Variants in PARD3B observed in about 807,000 individuals in gnomAD.
PARD3B encodes the protein partitioning defective 3 homolog B.
Under a neutral mutation model 130.2 loss-of-function variants are expected in PARD3B, and 103 were observed. The observed-to-expected ratio is 0.79, with a 90% CI of 0.67 to 0.93. The LOEUF (loss-of-function observed/expected upper bound fraction) is 0.93, where lower values mean the gene tolerates loss of function less well. Ranked by LOEUF, PARD3B falls within the 40% of genes least tolerant of loss-of-function variation. PARD3B has a pLI of 0.00. For synonymous variants in PARD3B, 583 were observed against 553.2 expected, an observed-to-expected ratio of 1.05 and a Z score of -0.76; for missense variants, 1,609 against 1,499.2, an observed-to-expected ratio of 1.07 and a Z score of -1.21.
chr2:205,348,153 A>C (rs897387023), intron 18 of PARD3B: 34 of 152,228 alleles, frequency 2.2e-4, no homozygotes, highest in African/African-American at 8.2e-4. Context: ...GAAGCTGAGG[A>C]GGATCCTAAA....
intron 3 of PARD3B, among the ~76,000 whole-genome samples, chr2:205,012,801 A>T (rs563793119): frequency 6.6e-6 from 1 of 152,244 alleles, no homozygotes; most frequent in African/African-American, 2.4e-5. Context: ...GCTATAAACA[A>T]GTTGGAAGTA....
At chr2:205,454,768 A>C (rs2106206516) in intron 20 of PARD3B, among the ~76,000 whole-genome samples, 1 of 152,262 alleles carries the variant, frequency 6.6e-6, no homozygotes, top group South Asian at 2.1e-4. Flanking sequence ...TCCATATACT[A>C]TGCCCTCTAC....
At chr2:204,878,319 T>G (rs2045920602) in intron 2 of PARD3B, among the ~76,000 whole-genome samples, 1 of 152,174 alleles carries the variant, frequency 6.6e-6, no homozygotes, top group East Asian at 1.9e-4. Context: ...GGTGTATAAT[T>G]ATATAAATTC....
intron 2 of PARD3B, among the ~76,000 whole-genome samples, chr2:204,854,591 G>T (rs1039806009): frequency 6.6e-6 from 1 of 152,110 alleles, no homozygotes. Flanking sequence ...GTGAATTGAT[G>T]AATATTCCAT....
At chr2:205,383,139 G>GATAGATAGATAGATAA (rs1480539066) in intron 18 of PARD3B, among the ~76,000 whole-genome samples, 13 of 129,868 alleles carry the variant, frequency 1.0e-4, no homozygotes, top group Non-Finnish European at 1.3e-4. Flanking sequence ...TAGATAGATA[G>GATAGATAGATAGATAA]ATCGATCTAA....
rs930056434 is a variant in PARD3B at position 204,937,484 on chromosome 2, G to A, written c.223-27668G>A. The stretch of plus-strand genomic sequence containing the variant: ...TTGCTGGTGTGTGACATTATGTTGT[G>A]TGTTGCGGTACTCCAGGATCGAGTA... On this transcript the variant is annotated intron_variant, in intron 2 of 22. Coordinates refer to ENST00000406610, the MANE Select transcript of PARD3B (RefSeq NM_001302769.2). Among the ~76,000 whole-genome samples, 8 of 152,282 alleles carry A rather than the reference G, an allele frequency of 5.3e-5. No homozygotes were observed. The South Asian group carries it at 1.7e-3, about 32-fold the overall frequency.
At chr2:205,546,113 A>G (rs2052368178) in intron 21 of PARD3B, among the ~76,000 whole-genome samples, 1 of 152,216 alleles carries the variant, frequency 6.6e-6, no homozygotes, top group African/African-American at 2.4e-5. Context: ...AAAGCACCTT[A>G]ATTCAACATT....
At position 205,530,585 on chromosome 2, in the gene PARD3B, C is replaced by T. The variant is rs547733246; in HGVS notation, c.3181-22739C>T. On this transcript the variant is annotated intron_variant, in intron 21 of 22. Coordinates refer to ENST00000406610, the MANE Select transcript of PARD3B (RefSeq NM_001302769.2). The surrounding 1 kb of genome is among the most constrained non-coding windows in gnomAD (Gnocchi z 4.7). ...ACTACAACTGCCAGAGATTTGCCCT[C>T]TTCGGGTAACACCCTTCCATCCTGA... 3.3e-5 allele frequency among the ~76,000 whole-genome samples: 5 copies of T among 152,270 alleles called. No individual in the cohort carries two copies. The South Asian group carries it at 1.0e-3, about 32-fold the overall frequency.
chr2:204,983,202 T>A (rs1185830322), intron 3 of PARD3B, among the ~76,000 whole-genome samples: 2 of 152,214 alleles, frequency 1.3e-5, no homozygotes, highest in Admixed American at 1.3e-4. Context: ...TTGGGCCTGA[T>A]AATTTGCAGA....
intron 20 of PARD3B, among the ~76,000 whole-genome samples, chr2:205,488,053 TA>T (rs2049516064): frequency 6.6e-6 from 1 of 152,228 alleles, no homozygotes; most frequent in South Asian, 2.1e-4. Flanking sequence ...AATATTTTGC[TA>T]ATTTTGTTTT....
intron 3 of PARD3B, among the ~76,000 whole-genome samples, chr2:204,978,965 C>CAAAA (rs34432147): frequency 5.3e-5 from 4 of 74,894 alleles, no homozygotes; most frequent in Admixed American, 1.6e-4. Context: ...ACCCTGGCCT[C>CAAAA]AAAAAAAAAA....
At chr2:204,851,811 G>A (rs1191645935) in intron 2 of PARD3B, among the ~76,000 whole-genome samples, 3 of 151,398 alleles carry the variant, frequency 2.0e-5, no homozygotes, top group Admixed American at 1.3e-4. Flanking sequence ...TCCTGCCTCA[G>A]CCTCCCGAGT....
rs760795219 is a variant in PARD3B at position 205,530,203 on chromosome 2, G to A, written c.3181-23121G>A. ...AAATAGTAAACCAAAAGTTCTCTCC[G>A]CCACATTTATGTTTCTAGTGAAGTT... On this transcript the variant is annotated intron_variant, in intron 21 of 22. Transcript: ENST00000406610. The surrounding 1 kb of genome is among the most constrained non-coding windows in gnomAD (Gnocchi z 4.7). 1.2e-4 allele frequency among the ~76,000 whole-genome samples: 19 copies of A among 152,202 alleles called. No individual in the cohort carries two copies. The highest frequency in any genetic ancestry group is 3.4e-3 in the Middle Eastern group (1 of 294).
intron 2 of PARD3B, among the ~76,000 whole-genome samples, chr2:204,722,050 A>T (rs2039021862): frequency 6.6e-6 from 1 of 152,180 alleles, no homozygotes; most frequent in East Asian, 1.9e-4. Flanking sequence ...CTGTTAGATA[A>T]TCATTAATGT....
Position 205,556,337 on chromosome 2 carries a change from C to A in PARD3B, c.3260+2934C>A, listed in dbSNP as rs2052885270. Reference sequence around the variant, plus strand: ...CAATTCAATAACATTGATTTCTATGCCAAATTTGGAGCCATCGACACAGAG... The same window carrying A: ...CAATTCAATAACATTGATTTCTATGACAAATTTGGAGCCATCGACACAGAG... On this transcript the variant is annotated intron_variant, in intron 22 of 22. Coordinates refer to ENST00000406610, the MANE Select transcript of PARD3B (RefSeq NM_001302769.2). Among the ~76,000 whole-genome samples, 3 of 152,126 alleles carry A rather than the reference C, an allele frequency of 2.0e-5. No homozygotes were observed. In the South Asian group the frequency reaches 6.2e-4, roughly 32 times the overall value.
At position 205,253,742 on chromosome 2, in the gene PARD3B, A is replaced by G. The variant is rs959907343; in HGVS notation, c.2185+7920A>G. ...CTAGCATGAGCTGTGCAGCAGCAAGATTCCATATGAGCAAAGTGCAGAAAG... is the reference window on the plus strand; with the variant it reads ...CTAGCATGAGCTGTGCAGCAGCAAGGTTCCATATGAGCAAAGTGCAGAAAG... On this transcript the variant is annotated intron_variant, in intron 16 of 22. Coordinates refer to ENST00000406610, the MANE Select transcript of PARD3B (RefSeq NM_001302769.2). This position sits in a 1 kb window ranked among gnomAD's most constrained non-coding sequence, Gnocchi z 4.4. Among the ~76,000 whole-genome samples, 2 of 152,120 alleles carry G rather than the reference A, an allele frequency of 1.3e-5. No individual in the cohort carries two copies. Among genetic ancestry groups the G allele is most frequent in the Non-Finnish European group, 2.9e-5 (2 of 67,994 alleles).
intron 4 of PARD3B, among the ~76,000 whole-genome samples, chr2:205,082,191 G>T (rs1374775005): frequency 1.3e-5 from 2 of 152,028 alleles, no homozygotes; most frequent in African/African-American, 4.8e-5. Context: ...ATTGTCTGTG[G>T]AATCTGCAGT....
intron 20 of PARD3B, among the ~76,000 whole-genome samples, chr2:205,468,988 A>G (rs1312417209): frequency 6.6e-6 from 1 of 150,572 alleles, no homozygotes; most frequent in Non-Finnish European, 1.5e-5. Context: ...TTTCTTAATG[A>G]AGCCCTGTGT....
At chr2:204,771,209 G>A (rs1474908519) in intron 2 of PARD3B, among the ~76,000 whole-genome samples, 1 of 151,740 alleles carries the variant, frequency 6.6e-6, no homozygotes. Flanking sequence ...TTTCAAAATG[G>A]GTTCCATTTT....
Sources: allele counts gnomAD v4.1 joint callset (sites outside exome capture counted in the v4.1 genomes callset), GRCh38; gene constraint gnomAD v4.1.1; non-coding constraint Gnocchi (gnomAD v3.1); transcripts MANE v1.5; gene names NCBI Gene and HGNC (gene_info 2026-07-23, HGNC 2026-07-21).